The following AKT3 variants were observed in gnomAD, a reference collection of about 807,000 sequenced individuals.
AKT3 encodes the protein AKT serine/threonine kinase 3, also known as RAC-gamma serine/threonine-protein kinase.
AKT3 carries 15 observed loss-of-function variants against 65.3 expected under a neutral mutation model. That is an observed-to-expected ratio of 0.23 (90% CI 0.15 to 0.35). The LOEUF (loss-of-function observed/expected upper bound fraction) is 0.35, where lower values mean the gene tolerates loss of function less well. Among genes scored for constraint, AKT3 ranks in the 10% least tolerant of loss-of-function variants. The pLI is 1.00. For missense variants in AKT3, 243 were observed against 576.5 expected, an observed-to-expected ratio of 0.42 and a Z score of 5.92; for synonymous variants, 206 against 183.8, an observed-to-expected ratio of 1.12 and a Z score of -0.98.
intron 2 of AKT3, among the ~76,000 whole-genome samples, chr1:243,814,183 T>C (rs1693368782): frequency 6.6e-6 from 1 of 152,250 alleles, no homozygotes; most frequent in Non-Finnish European, 1.5e-5. Context: ...AGCTTTTCTA[T>C]ATATTTTTAA....
chr1:243,577,329 T>C (rs780095046), intron 8 of AKT3, among the ~76,000 whole-genome samples: 7 of 152,202 alleles, frequency 4.6e-5, no homozygotes, highest in Middle Eastern at 3.4e-3. Flanking sequence ...ATATTTTTAG[T>C]AGAGATGGGG....
intron 2 of AKT3, among the ~76,000 whole-genome samples, chr1:243,747,325 A>C (rs1027374722): frequency 2.6e-5 from 4 of 152,224 alleles, no homozygotes; most frequent in Non-Finnish European, 4.4e-5. Flanking sequence ...TATACGGCAA[A>C]GTGAATTTGA....
intron 2 of AKT3, among the ~76,000 whole-genome samples, chr1:243,817,807 T>C (rs1693619827): frequency 6.6e-6 from 1 of 152,228 alleles, no homozygotes; most frequent in South Asian, 2.1e-4. Context: ...TGGCTGAAAG[T>C]AATAGCTTTT....
chr1:243,692,960 T>A (rs151203659), intron 3 of AKT3, among the ~76,000 whole-genome samples: 123 of 151,686 alleles, frequency 8.1e-4, no homozygotes, highest in African/African-American at 2.9e-3. Context: ...TTCAATCAAG[T>A]GAGTAAGGGA....
chr1:243,823,147 T>C (rs1298117889), intron 2 of AKT3, among the ~76,000 whole-genome samples: 1 of 152,012 alleles, frequency 6.6e-6, no homozygotes, highest in Non-Finnish European at 1.5e-5. Flanking sequence ...ATAAACATAA[T>C]TCATTACATC....
chr1:243,642,371 A>G lies in AKT3; in HGVS notation c.429+3522T>C, dbSNP rs188201691. ...GTCGCCCAGGCTAGAGTGCAGTGGC[A>G]CGATCTCGGCTCACTGCAAGCTCTG... On this transcript the variant is annotated intron_variant, in intron 5 of 13. Transcript: ENST00000673466. Among the ~76,000 whole-genome samples, 366 of 152,316 alleles carry G rather than the reference A, an allele frequency of 2.4e-3. 2 individuals are homozygous for G. The highest frequency in any genetic ancestry group is 3.9e-3 in the African/African-American group (162 of 41,578).
At chr1:243,729,210 G>GCTT (rs1687395664) in intron 2 of AKT3, among the ~76,000 whole-genome samples, 1 of 152,164 alleles carries the variant, frequency 6.6e-6, no homozygotes, top group Non-Finnish European at 1.5e-5. Context: ...TAAAAGAGAA[G>GCTT]CAGAAATAGA....
intron 12 of AKT3, among the ~76,000 whole-genome samples, chr1:243,536,189 TTGA>T (rs1271622746): frequency 2.0e-5 from 3 of 152,178 alleles, no homozygotes; most frequent in African/African-American, 7.2e-5. Context: ...ATTTACTTTG[TTGA>T]TGATTTCTTT....
At chr1:243,580,848 G>C (rs1218334543) in intron 8 of AKT3, among the ~76,000 whole-genome samples, 1 of 152,082 alleles carries the variant, frequency 6.6e-6, no homozygotes, top group Admixed American at 6.5e-5. Flanking sequence ...AGTAGCCTGA[G>C]CCACCGCACT....
chr1:243,536,246 A>G (rs1186981317), intron 12 of AKT3, among the ~76,000 whole-genome samples: 2 of 151,892 alleles, frequency 1.3e-5, no homozygotes, highest in Non-Finnish European at 2.9e-5. Flanking sequence ...CCATTTATTT[A>G]TTTTTGTTTT....
intron 2 of AKT3, among the ~76,000 whole-genome samples, chr1:243,791,260 T>C (rs958674174): frequency 6.6e-6 from 1 of 150,596 alleles, no homozygotes; most frequent in Non-Finnish European, 1.5e-5. Flanking sequence ...AAAAAGTCTA[T>C]GCATGTTCAG....
intron 2 of AKT3, among the ~76,000 whole-genome samples, chr1:243,819,906 G>T (rs569089493): frequency 3.3e-5 from 5 of 152,048 alleles, no homozygotes; most frequent in African/African-American, 9.7e-5. Flanking sequence ...GCAGCCCTAC[G>T]GGAGAGGGGC....
intron 6 of AKT3, among the ~76,000 whole-genome samples, chr1:243,616,177 A>G (rs145140300): frequency 3.9e-5 from 6 of 151,902 alleles, no homozygotes; most frequent in African/African-American, 9.7e-5. Flanking sequence ...GCTGTACCCA[A>G]TGTGTAGTCT....
chr1:243,803,093 C>A (rs1157694981), intron 2 of AKT3, among the ~76,000 whole-genome samples: 2 of 152,068 alleles, frequency 1.3e-5, no homozygotes, highest in Non-Finnish European at 2.9e-5. Context: ...GGTTGCAGTG[C>A]GCTATGATCG....
rs568378973 is a variant in AKT3, at chr1:243,501,234, C to T, written c.*4015G>A. The T allele has an allele frequency of 8.6e-5, 20 of 232,704 alleles. No individual in the cohort carries two copies. Among genetic ancestry groups the T allele is most frequent in the African/African-American group, 2.4e-4 (11 of 45,402 alleles). 14.4% of individuals were successfully genotyped at this position (232,704 alleles called of 1,614,324 possible). ...AAAGGCCCCATCCAGAATGATTCAA[C>T]GTGAAGTCAGACTGCAGTCCAGCCA... On this transcript the variant is annotated 3_prime_UTR_variant, in exon 14 of 14. Coordinates refer to ENST00000673466, the MANE Select transcript of AKT3 (RefSeq NM_005465.7).
intron 13 of AKT3, among the ~76,000 whole-genome samples, chr1:243,506,245 C>A (rs1669659965): frequency 6.6e-6 from 1 of 152,220 alleles, no homozygotes; most frequent in African/African-American, 2.4e-5. Context: ...GGGGGAGGTG[C>A]TCCATTTTAA....
intron 2 of AKT3, among the ~76,000 whole-genome samples, chr1:243,754,645 C>T (rs923426506): frequency 1.3e-5 from 2 of 152,160 alleles, no homozygotes; most frequent in African/African-American, 4.8e-5. Context: ...CACAGGAGTG[C>T]GAACCCTATT....
chr1:243,589,931 C>T (rs537659886), intron 8 of AKT3, among the ~76,000 whole-genome samples: 9 of 152,204 alleles, frequency 5.9e-5, no homozygotes, highest in African/African-American at 2.2e-4. Context: ...AGAAGGAAGT[C>T]CTACCATTTG....
At chr1:243,690,788 C>T (rs937684966) in intron 3 of AKT3, among the ~76,000 whole-genome samples, 2 of 152,060 alleles carry the variant, frequency 1.3e-5, no homozygotes, top group Non-Finnish European at 2.9e-5. Context: ...GAGTTTTATT[C>T]TTGATACTTA....
Sources: gnomAD v4.1 joint callset for allele counts (sites outside exome capture counted in the v4.1 genomes callset) on GRCh38, gnomAD v4.1.1 for gene constraint, MANE v1.5 for transcripts, NCBI Gene and HGNC (gene_info 2026-07-23, HGNC 2026-07-21) for gene names.